Variants in KANTR observed in about 807,000 individuals in gnomAD.
KANTR encodes KDM5C adjacent transcript.
At chrX:53,132,925 C>A (rs1388237712) in intron 2 of KANTR, among the ~76,000 whole-genome samples, 7 of 111,826 alleles carry the variant, frequency 6.3e-5, no homozygotes, top group Non-Finnish European at 1.3e-4. Context: ...ATACTACTCA[C>A]AAGTTACAAA....
exon 3 of KANTR, chrX:53,124,597 C>T (rs1688709080): frequency 3.4e-6 from 1 of 294,144 alleles, no homozygotes; most frequent in Non-Finnish European, 5.9e-6. Flanking sequence ...CCTGCTTCTC[C>T]ATAAGTTTAG....
chrX:53,137,874 G>A (rs982459427), intron 2 of KANTR, among the ~76,000 whole-genome samples: 4 of 108,857 alleles, frequency 3.7e-5, no homozygotes, highest in Admixed American at 9.8e-5. Flanking sequence ...ACAGAGTTTC[G>A]CCACCGTGCC....
intron 2 of KANTR, among the ~76,000 whole-genome samples, chrX:53,136,235 TTTTGTTTG>T (rs201565988): frequency 1.8e-5 from 2 of 111,105 alleles, no homozygotes; most frequent in Non-Finnish European, 3.8e-5. Flanking sequence ...GTTTGTTTCT[TTTTGTTTG>T]TTTGTTTGTT....
downstream of KANTR, among the ~76,000 whole-genome samples, chrX:53,128,322 T>C (rs781920352): frequency 2.7e-5 from 3 of 111,681 alleles, no homozygotes; most frequent in African/African-American, 9.8e-5. Context: ...AACCGTAATT[T>C]CAGGGCAGTG....
At chrX:53,095,046 T>C (rs1487131412) in intron 1 of KANTR, among the ~76,000 whole-genome samples, 1 of 112,204 alleles carries the variant, frequency 8.9e-6, no homozygotes, top group Non-Finnish European at 1.9e-5. Flanking sequence ...GAGCTTAGCC[T>C]GGGGCTCCGA....
chrX:53,127,866 A>T (rs1556816384), downstream of KANTR, among the ~76,000 whole-genome samples: 1 of 111,373 alleles, frequency 9.0e-6, no homozygotes, highest in Non-Finnish European at 1.9e-5. Context: ...CACTCTCATT[A>T]TACTTTACCT....
At chrX:53,146,734 A>G (rs1475406735), downstream of KANTR, among the ~76,000 whole-genome samples, 1 of 112,093 alleles carries the variant, frequency 8.9e-6, no homozygotes, top group Non-Finnish European at 1.9e-5. Context: ...AGGTCGGGTT[A>G]CCCACAAAGG....
chrX:53,128,911 A>G (rs1246461350), downstream of KANTR, among the ~76,000 whole-genome samples: 1 of 110,636 alleles, frequency 9.0e-6, no homozygotes, highest in Non-Finnish European at 1.9e-5. Context: ...ACATGTTATT[A>G]TGTCTACTAT....
intron 2 of KANTR, among the ~76,000 whole-genome samples, chrX:53,118,105 A>G (rs781972874): frequency 2.7e-5 from 3 of 111,765 alleles, no homozygotes; most frequent in African/African-American, 3.3e-5. Context: ...GGACAGTGCT[A>G]CCATGAGCAT....
chrX:53,097,675 A>G (rs1932856043), intron 1 of KANTR, among the ~76,000 whole-genome samples: 1 of 108,880 alleles, frequency 9.2e-6, no homozygotes, highest in Non-Finnish European at 1.9e-5. Context: ...ACTTAAAATA[A>G]TTTCAAACTT....
chrX:53,122,064 C>T (rs1245406045), intron 2 of KANTR, among the ~76,000 whole-genome samples: 1 of 112,417 alleles, frequency 8.9e-6, no homozygotes. Context: ...TTTATTTATT[C>T]AGTCACTTAT....
intron 2 of KANTR, among the ~76,000 whole-genome samples, chrX:53,135,163 T>G (rs1933406283): frequency 8.9e-6 from 1 of 111,852 alleles, no homozygotes; most frequent in South Asian, 3.7e-4. Context: ...TGAACTCATG[T>G]CCCTACAAGA....
intron 2 of KANTR, among the ~76,000 whole-genome samples, chrX:53,112,234 C>T (rs1933052760): frequency 8.9e-6 from 1 of 111,922 alleles, no homozygotes; most frequent in Non-Finnish European, 1.9e-5. Flanking sequence ...TTTGGTTTTC[C>T]ATTCCTGAGT....
At chrX:53,107,084 T>C (rs1158905890) in intron 2 of KANTR, among the ~76,000 whole-genome samples, 2 of 111,027 alleles carry the variant, frequency 1.8e-5, no homozygotes, top group African/African-American at 6.7e-5. Context: ...TAGTAAGTTT[T>C]GAAGTCAAGA....
intron 2 of KANTR, among the ~76,000 whole-genome samples, chrX:53,137,723 C>G (rs1268565857): frequency 9.2e-6 from 1 of 108,199 alleles, no homozygotes; most frequent in African/African-American, 3.4e-5. Context: ...GAGCTGAGAT[C>G]GTGCCATTGC....
chrX:53,135,567 A>G (rs1326890953), intron 2 of KANTR, among the ~76,000 whole-genome samples: 1 of 112,261 alleles, frequency 8.9e-6, no homozygotes, highest in African/African-American at 3.2e-5. Flanking sequence ...TTCTGTTACC[A>G]TAGGATGCTT....
chrX:53,104,462 A>G (rs963756573), intron 2 of KANTR, among the ~76,000 whole-genome samples: 6 of 109,960 alleles, frequency 5.5e-5, no homozygotes, highest in Admixed American at 2.0e-4. Context: ...CCTGACCTCA[A>G]GTGATCCACC....
intron 2 of KANTR, among the ~76,000 whole-genome samples, chrX:53,112,455 C>T (rs1421413829): frequency 1.8e-5 from 2 of 111,843 alleles, no homozygotes; most frequent in Non-Finnish European, 3.8e-5. Context: ...GTGTCTTTTT[C>T]GTATAATGAC....
chrX:53,143,574 C>T, downstream of KANTR: 1 of 628,519 alleles, frequency 1.6e-6, no homozygotes, highest in South Asian at 2.2e-5. Context: ...TCTCTGTTGG[C>T]CTTGGGGTTC....
Sources: gnomAD v4.1 joint callset for allele counts (sites outside exome capture counted in the v4.1 genomes callset) on GRCh38, gnomAD v4.1.1 for gene constraint, MANE v1.5 for transcripts, NCBI Gene and HGNC (gene_info 2026-07-23, HGNC 2026-07-21) for gene names.